Variants in GRIN2B observed in about 807,000 individuals in gnomAD.
GRIN2B encodes glutamate receptor ionotropic, NMDA 2B.
In GRIN2B, 5 loss-of-function variants were observed where a neutral mutation model predicts 114.5. The observed-to-expected ratio is 0.04, with a 90% confidence interval of 0.02 to 0.09. The LOEUF (loss-of-function observed/expected upper bound fraction) is 0.09. Ranked by LOEUF, GRIN2B falls within the 10% of genes least tolerant of loss-of-function variation. GRIN2B has a pLI of 1.00. For synonymous variants in GRIN2B, 787 were observed against 745.1 expected (o/e 1.06, Z -0.92); for missense variants, 1,108 against 1,943.5 (o/e 0.57, Z 8.08).
At chr12:13,638,147 G>T (rs533366234) in intron 5 of GRIN2B, among the ~76,000 whole-genome samples, 104 of 152,188 alleles carry the variant, frequency 6.8e-4, no homozygotes, top group Non-Finnish European at 1.5e-4. Flanking sequence ...AGACAAACAA[G>T]GTCTGCTCAA....
intron 4 of GRIN2B, among the ~76,000 whole-genome samples, chr12:13,703,510 T>C (rs1354716334): frequency 1.3e-5 from 2 of 152,224 alleles, no homozygotes. Flanking sequence ...AATATGCAAA[T>C]ACAACAGAAA....
intron 3 of GRIN2B, among the ~76,000 whole-genome samples, chr12:13,779,349 C>A (rs936650893): frequency 6.6e-6 from 1 of 152,102 alleles, no homozygotes; most frequent in African/African-American, 2.4e-5. Context: ...TGGCCTGGTC[C>A]TCTTTATCTT....
At chr12:13,591,903 A>C (rs1949014105) in intron 10 of GRIN2B, among the ~76,000 whole-genome samples, 1 of 152,194 alleles carries the variant, frequency 6.6e-6, no homozygotes, top group Admixed American at 6.5e-5. Context: ...ACAATACTAT[A>C]AGTGGTTGGC....
At chr12:13,714,135 T>C (rs988290363) in intron 4 of GRIN2B, among the ~76,000 whole-genome samples, 1 of 151,836 alleles carries the variant, frequency 6.6e-6, no homozygotes, top group African/African-American at 2.4e-5. Context: ...GATTCTCTCC[T>C]TCCTGTCCTC....
chr12:13,807,774 G>T (rs1247228260), intron 3 of GRIN2B, among the ~76,000 whole-genome samples: 1 of 137,842 alleles, frequency 7.3e-6, no homozygotes, highest in Non-Finnish European at 1.5e-5. Context: ...AGGTAGCAAG[G>T]GGCTTCTTAA....
chr12:13,785,920 G>T (rs1864215422), intron 3 of GRIN2B, among the ~76,000 whole-genome samples: 1 of 152,164 alleles, frequency 6.6e-6, no homozygotes, highest in African/African-American at 2.4e-5. Context: ...GTTAAGTAAT[G>T]TTTTCATTTG....
intron 5 of GRIN2B, among the ~76,000 whole-genome samples, chr12:13,671,386 C>G (rs1179678232): frequency 6.6e-6 from 1 of 152,184 alleles, no homozygotes; most frequent in Non-Finnish European, 1.5e-5. Flanking sequence ...TCCAAAACCA[C>G]AGACTATGTT....
intron 2 of GRIN2B, among the ~76,000 whole-genome samples, chr12:13,879,330 G>T (rs1189900982): frequency 1.3e-5 from 2 of 152,002 alleles, no homozygotes. Context: ...AAGGATTTTT[G>T]CATCTAAATA....
At chr12:13,950,072 C>T (rs1037830800) in intron 2 of GRIN2B, among the ~76,000 whole-genome samples, 1 of 152,176 alleles carries the variant, frequency 6.6e-6, no homozygotes, top group Non-Finnish European at 1.5e-5. Flanking sequence ...AGAAAAGTTA[C>T]CACTTTAAGG....
At chr12:13,657,129 T>C (rs1016598325) in intron 5 of GRIN2B, among the ~76,000 whole-genome samples, 1 of 152,170 alleles carries the variant, frequency 6.6e-6, no homozygotes, top group Non-Finnish European at 1.5e-5. Context: ...GTCAGCTGAC[T>C]GACTGCAAAG....
At chr12:13,771,698 T>C (rs1201229304) in intron 3 of GRIN2B, among the ~76,000 whole-genome samples, 1 of 152,256 alleles carries the variant, frequency 6.6e-6, no homozygotes. Context: ...GTAACTTCCC[T>C]GGTTCATTAA....
At chr12:13,719,550 G>C (rs562654676) in intron 4 of GRIN2B, among the ~76,000 whole-genome samples, 13 of 152,118 alleles carry the variant, frequency 8.5e-5, no homozygotes, top group Admixed American at 8.5e-4. Context: ...AAGCTACATG[G>C]TGGTACCTGA....
intron 3 of GRIN2B, among the ~76,000 whole-genome samples, chr12:13,758,998 A>AGTTTTTTTTTTT (rs771891565): frequency 1.2e-5 from 1 of 85,600 alleles, no homozygotes; most frequent in African/African-American, 4.9e-5. Context: ...ATCTAGTTCA[A>AGTTTTTTTTTTT]TTTTTTTTTT....
At chr12:13,609,053 G>A (rs756739466) in intron 9 of GRIN2B, among the ~76,000 whole-genome samples, 7 of 152,130 alleles carry the variant, frequency 4.6e-5, no homozygotes, top group Non-Finnish European at 1.0e-4. Flanking sequence ...CCAGAAGCCC[G>A]GAGTGTGTGT....
chr12:13,934,448 A>G (rs1867092544), intron 2 of GRIN2B, among the ~76,000 whole-genome samples: 1 of 152,220 alleles, frequency 6.6e-6, no homozygotes, highest in Admixed American at 6.5e-5. Context: ...CCACTTTAGA[A>G]TTAATGAAAC....
At chr12:13,969,067 C>T (rs2136869498) in intron 2 of GRIN2B, among the ~76,000 whole-genome samples, 1 of 152,342 alleles carries the variant, frequency 6.6e-6, no homozygotes, top group Non-Finnish European at 1.5e-5. Flanking sequence ...ATACTCAGGC[C>T]TTAGCCATAT....
intron 4 of GRIN2B, among the ~76,000 whole-genome samples, chr12:13,718,826 C>T (rs1950482010): frequency 6.6e-6 from 1 of 152,016 alleles, no homozygotes; most frequent in African/African-American, 2.4e-5. Context: ...TGGCTCCCTT[C>T]ACGCTGTAAG....
At chr12:13,944,628 C>T (rs537662184) in intron 2 of GRIN2B, among the ~76,000 whole-genome samples, 211 of 152,342 alleles carry the variant, frequency 1.4e-3, no homozygotes, top group South Asian at 2.7e-3. Context: ...AGGCTTCCTA[C>T]TTCTCATTTT....
At chr12:13,619,986 T>C (rs185000362) in intron 5 of GRIN2B, among the ~76,000 whole-genome samples, 2 of 152,302 alleles carry the variant, frequency 1.3e-5, no homozygotes, top group Admixed American at 1.3e-4. Flanking sequence ...CTTTGGTAAT[T>C]ACTCTAATAT....
Sources: gnomAD v4.1 joint callset for allele counts (sites outside exome capture counted in the v4.1 genomes callset) on GRCh38, gnomAD v4.1.1 for gene constraint, MANE v1.5 for transcripts, NCBI Gene and HGNC (gene_info 2026-07-23, HGNC 2026-07-21) for gene names.